CFAP61: variants seen among roughly 807,000 people sequenced by gnomAD.
CFAP61 encodes the protein cilia and flagella associated protein 61, also known as cilia- and flagella-associated protein 61.
CFAP61 carries 107 observed loss-of-function variants against 135.6 expected under a neutral mutation model. The ratio of observed to expected loss-of-function variants is 0.79; its 90% CI spans 0.67 to 0.93. The LOEUF is 0.93. Ranked by LOEUF, CFAP61 falls within the 40% of genes least tolerant of loss-of-function variation. The pLI is 0.00. For synonymous variants in CFAP61, 575 were observed against 578.5 expected (o/e 0.99, Z 0.09); for missense variants, 1,507 against 1,556.2 (o/e 0.97, Z 0.53).
intron 3 of CFAP61, among the ~76,000 whole-genome samples, chr20:20,072,699 G>T (rs966430151): frequency 2.0e-5 from 3 of 152,090 alleles, no homozygotes; most frequent in African/African-American, 7.2e-5. Context: ...CAATGTGGTA[G>T]CCACCAGCCT....
chr20:20,198,914 G>A (rs2056455320), intron 16 of CFAP61, among the ~76,000 whole-genome samples: 1 of 152,082 alleles, frequency 6.6e-6, no homozygotes, highest in Non-Finnish European at 1.5e-5. Context: ...TTCAATAAAT[G>A]TATCATTAAA....
chr20:20,351,443 G>A (rs541908937), intron 26 of CFAP61, among the ~76,000 whole-genome samples: 11 of 152,066 alleles, frequency 7.2e-5, no homozygotes, highest in African/African-American at 2.2e-4. Context: ...TTAGCCAGAT[G>A]TGGTGGCGGG....
In CFAP61 at chr20:20,285,935, AC is replaced by A. The variant is rs369196169; in HGVS notation, c.2797-2673del. Among the ~76,000 whole-genome samples the A allele has an allele frequency of 7.5e-3, 1,081 of 144,318 alleles. 20 individuals are homozygous for A. Among genetic ancestry groups the A allele is most frequent in the African/African-American group, 0.024 (930 of 38,814 alleles). The allele number at this position is 144,318 out of a possible 152,430, so 94.7% of individuals were successfully genotyped here. A position where few individuals can be genotyped will look rare whatever the true frequency, so the allele number is the denominator to read the frequency against. ...GACCCTGTCTCAAAAAAAAAAAAAA[AC>A]AAAAACAAACAAACAAAAAGACTCT... On this transcript the variant is annotated intron_variant, in intron 22 of 26. Transcript: ENST00000245957.
chr20:20,127,020 C>T (rs1255815387), intron 8 of CFAP61, among the ~76,000 whole-genome samples: 2 of 151,432 alleles, frequency 1.3e-5, no homozygotes, highest in African/African-American at 2.4e-5. Flanking sequence ...CTGAGACTTA[C>T]CAGAGCATTT....
rs200292508 is a variant in CFAP61, at chr20:20,264,728, C to CA, written c.2503+1604dup. On this transcript the variant is annotated intron_variant, in intron 21 of 26. Coordinates refer to ENST00000245957, the MANE Select transcript of CFAP61 (RefSeq NM_015585.4). ...GAAACACGGGAAAACCCCACCTCTA[C>CA]AAAAAATACAAAAATTAGCTGGGCA... Among the ~76,000 whole-genome samples, 8 of 152,138 alleles carry CA rather than the reference C, an allele frequency of 5.3e-5. No individual in the cohort carries two copies. The East Asian group carries it at 1.5e-3, about 29-fold the overall frequency.
intron 1 of CFAP61, 73 bp downstream of exon 1, chr20:20,052,664 C>T: frequency 1.9e-6 from 3 of 1,613,346 alleles, no homozygotes; most frequent in Non-Finnish European, 2.5e-6. Context: ...ATCCCCAGGT[C>T]AGCCTCCGGA....
chr20:20,355,547 G>A (rs375025973), intron 26 of CFAP61, among the ~76,000 whole-genome samples: 4 of 126,208 alleles, frequency 3.2e-5, no homozygotes, highest in Non-Finnish European at 3.3e-5. Context: ...TAGTGACACT[G>A]TGAGCAGAGA....
At position 20,169,338 on chromosome 20, in the gene CFAP61, A is replaced by G; in HGVS notation, c.1263A>G (p.Val421=). The change falls in exon 13 of 27, where the codon GTA becomes GTG. Residue 421 remains valine, a synonymous_variant. Transcript: ENST00000245957. ...GATGTTAGGATAAGAACTTCTGTGT[A>G]ATTTCTCTGCCCCATCTCACCCCCG... The part of the protein sequence containing the change: ...FSLFSDKNFC[V]ISLPHLTPEF... 6.2e-7 allele frequency: 1 copy of G among 1,613,618 alleles called. No individual in the cohort carries two copies. The highest frequency in any genetic ancestry group is 2.2e-5 in the East Asian group (1 of 44,872).
chr20:20,314,696 C>G (rs1396944853), intron 25 of CFAP61, among the ~76,000 whole-genome samples: 2 of 128,586 alleles, frequency 1.6e-5, no homozygotes, highest in Non-Finnish European at 3.2e-5. Flanking sequence ...ACCCCCCCAC[C>G]CCACAACAGT....
intron 25 of CFAP61, among the ~76,000 whole-genome samples, chr20:20,328,339 G>A (rs1298907269): frequency 1.3e-5 from 2 of 152,176 alleles, no homozygotes; most frequent in African/African-American, 4.8e-5. Flanking sequence ...TATTTCAGAT[G>A]TATTTTAGAG....
chr20:20,217,597 A>G (rs932875284), intron 17 of CFAP61, among the ~76,000 whole-genome samples: 6 of 152,218 alleles, frequency 3.9e-5, no homozygotes, highest in East Asian at 3.8e-4. Flanking sequence ...TGTTCTAGCA[A>G]ATGAACCAGA....
At chr20:20,314,687 C>T (rs1376220239) in intron 25 of CFAP61, among the ~76,000 whole-genome samples, 121 of 118,452 alleles carry the variant, frequency 1.0e-3, no homozygotes, top group Middle Eastern at 7.8e-3. Flanking sequence ...CCCTCCCCCA[C>T]CCCCCCACCC....
intron 17 of CFAP61, among the ~76,000 whole-genome samples, chr20:20,205,109 A>G (rs772729342): frequency 1.3e-5 from 2 of 152,138 alleles, no homozygotes; most frequent in Non-Finnish European, 2.9e-5. Context: ...TATGAATAGT[A>G]TATAAATATT....
At chr20:20,207,546 C>T (rs2056913038) in intron 17 of CFAP61, among the ~76,000 whole-genome samples, 1 of 152,190 alleles carries the variant, frequency 6.6e-6, no homozygotes, top group Non-Finnish European at 1.5e-5. Context: ...CTGGCCGTGG[C>T]AGCTAAGTGG....
chr20:20,288,307 A>C (rs996230183), intron 22 of CFAP61, among the ~76,000 whole-genome samples: 14 of 152,120 alleles, frequency 9.2e-5, no homozygotes, highest in African/African-American at 1.4e-4. Flanking sequence ...GTCTGTACAA[A>C]TGTAAACCCT....
intron 20 of CFAP61, chr20:20,253,574 G>C: frequency 2.0e-6 from 1 of 493,026 alleles, no homozygotes; most frequent in Non-Finnish European, 4.0e-6. Flanking sequence ...TTTTAAGCAT[G>C]TGCAGCAAAC....
intron 26 of CFAP61, among the ~76,000 whole-genome samples, chr20:20,351,073 T>C (rs2122435350): frequency 6.6e-6 from 1 of 152,250 alleles, no homozygotes; most frequent in Admixed American, 6.5e-5. Flanking sequence ...CTCTTGCCAC[T>C]TCTATTAAAC....
intron 10 of CFAP61, among the ~76,000 whole-genome samples, chr20:20,159,969 G>T (rs1005699386): frequency 1.3e-5 from 2 of 152,156 alleles, no homozygotes; most frequent in African/African-American, 4.8e-5. Flanking sequence ...TCCTTTGTTG[G>T]TTTCCCTTCA....
intron 22 of CFAP61, among the ~76,000 whole-genome samples, chr20:20,283,527 C>T (rs1195452646): frequency 6.6e-6 from 1 of 152,174 alleles, no homozygotes; most frequent in African/African-American, 2.4e-5. Flanking sequence ...AATTTAGCAG[C>T]TTAAAATAAC....
Sources: gnomAD v4.1 joint callset for allele counts (sites outside exome capture counted in the v4.1 genomes callset) on GRCh38, gnomAD v4.1.1 for gene constraint, MANE v1.5 for transcripts, NCBI Gene and HGNC (gene_info 2026-07-23, HGNC 2026-07-21) for gene names.